Variants in NRP2 observed in about 807,000 individuals in gnomAD.
The protein encoded by NRP2 is neuropilin-2.
Under a neutral mutation model 110.4 loss-of-function variants are expected in NRP2, and 52 were observed. The ratio of observed to expected loss-of-function variants is 0.47; its 90% CI spans 0.38 to 0.59. NRP2 has a LOEUF of 0.59. Among genes scored for constraint, NRP2 ranks in the 20% least tolerant of loss-of-function variants. The pLI, the probability that NRP2 is intolerant of heterozygous loss-of-function variation, is 0.00. For missense variants in NRP2, 1,049 were observed against 1,203.0 expected (o/e 0.87, Z 1.89); for synonymous variants, 508 against 468.9 (o/e 1.08, Z -1.08).
chr2:205,730,431 A>C (rs2105834816), intron 7 of NRP2, among the ~76,000 whole-genome samples: 1 of 152,142 alleles, frequency 6.6e-6, no homozygotes, highest in East Asian at 1.9e-4. Context: ...GCCACCACTG[A>C]GTTTCTCTTT....
chr2:205,763,531 C>T lies in NRP2; in HGVS notation c.2045-143C>T. 1 of 1,098,724 alleles carries T rather than the reference C, an allele frequency of 9.1e-7. No homozygotes were observed. The highest frequency in any genetic ancestry group is 1.4e-6 in the Non-Finnish European group (1 of 721,292). The allele number at this position is 1,098,724 out of a possible 1,614,324, so 68.1% of individuals were successfully genotyped here. ...CTCTGAAGGAGCCTTAAGAAAGGGTCACAGAGCCTGGAGAACAAGGACATG... is the reference window on the plus strand; with the variant it reads ...CTCTGAAGGAGCCTTAAGAAAGGGTTACAGAGCCTGGAGAACAAGGACATG... On this transcript the variant is annotated intron_variant, in intron 12 of 16. Coordinates refer to ENST00000357785, the MANE Select transcript of NRP2 (RefSeq NM_003872.3). This position sits in a 1 kb window ranked among gnomAD's most constrained non-coding sequence, Gnocchi z 4.0.
At chr2:205,696,160 C>A (rs538696873) in intron 1 of NRP2, among the ~76,000 whole-genome samples, 1 of 152,144 alleles carries the variant, frequency 6.6e-6, no homozygotes. Context: ...CCGTGTGCAG[C>A]GTGCCCATCT....
In NRP2 at chr2:205,797,942, C is replaced by G. The variant is rs1362717829; in HGVS notation, c.*2884C>G. The G allele has an allele frequency of 6.6e-6, 1 of 152,506 alleles. No homozygotes were observed. The highest frequency in any genetic ancestry group is 1.5e-5 in the Non-Finnish European group (1 of 68,000). The allele number at this position is 152,506 out of a possible 1,614,324, so 9.4% of individuals were successfully genotyped here. ...GGGAAAGAGTTAACCTGTCACATAGCAGGTTAACTTTTTCAGGGTTTGCAG... is the reference window on the plus strand; with the variant it reads ...GGGAAAGAGTTAACCTGTCACATAGGAGGTTAACTTTTTCAGGGTTTGCAG... On this transcript the variant is annotated 3_prime_UTR_variant, in exon 17 of 17. Transcript: ENST00000357785.
chr2:205,750,675 T>A (rs1295172024), intron 11 of NRP2, among the ~76,000 whole-genome samples: 1 of 152,240 alleles, frequency 6.6e-6, no homozygotes, highest in Non-Finnish European at 1.5e-5. Flanking sequence ...GCTAGAATGT[T>A]AAGCTTGACA....
chr2:205,696,285 C>T (rs959440986), intron 1 of NRP2, among the ~76,000 whole-genome samples: 3 of 152,172 alleles, frequency 2.0e-5, no homozygotes, highest in African/African-American at 7.2e-5. Flanking sequence ...AAATGCATGA[C>T]CTGTTCCCTC....
rs1342630722 is a variant in NRP2, at chr2:205,795,165, C to A, written c.*107C>A. 2.7e-6 allele frequency: 3 copies of A among 1,120,662 alleles called. No homozygotes were observed. The highest frequency in any genetic ancestry group is 1.3e-5 in the South Asian group (1 of 74,828). The allele number at this position is 1,120,662 out of a possible 1,614,324, so 69.4% of individuals were successfully genotyped here. A position where few individuals can be genotyped will look rare whatever the true frequency, so the allele number is the denominator to read the frequency against. Reference sequence around the variant, plus strand: ...CTGAATGCCATAATCTCGATCAAACCGATCCAGAATACCGAAGGTATGGAC... The same window carrying A: ...CTGAATGCCATAATCTCGATCAAACAGATCCAGAATACCGAAGGTATGGAC... On this transcript the variant is annotated 3_prime_UTR_variant, in exon 17 of 17. Coordinates refer to ENST00000357785, the MANE Select transcript of NRP2 (RefSeq NM_003872.3).
chr2:205,776,627 C>T (rs2058105620), intron 15 of NRP2: 2 of 1,591,716 alleles, frequency 1.3e-6, no homozygotes, highest in Non-Finnish European at 1.7e-6. Flanking sequence ...TGTGTGAACT[C>T]TCAGACATCT....
intron 1 of NRP2, among the ~76,000 whole-genome samples, chr2:205,687,051 C>A (rs867950629): frequency 5.9e-5 from 9 of 152,168 alleles, no homozygotes; most frequent in Admixed American, 3.9e-4. Context: ...GCCAAAAGAA[C>A]CCAGACCCCA....
At position 205,707,815 on chromosome 2, in the gene NRP2, G is replaced by A. The variant is rs572131096; in HGVS notation, c.252-8378G>A. 5.9e-5 allele frequency among the ~76,000 whole-genome samples: 9 copies of A among 152,260 alleles called. 1 individual carries two copies. In the South Asian group the frequency reaches 1.9e-3, roughly 32 times the overall value. On this transcript the variant is annotated intron_variant, in intron 2 of 16. Coordinates refer to ENST00000357785, the MANE Select transcript of NRP2 (RefSeq NM_003872.3). ...ATTAGTGTGAACACCTATTCCGGAG[G>A]GAACTGTTCACCCTGCCGAGTAAAG...
chr2:205,685,008 T>A (rs1260304795), intron 1 of NRP2, among the ~76,000 whole-genome samples: 1 of 151,910 alleles, frequency 6.6e-6, no homozygotes, highest in Non-Finnish European at 1.5e-5. Context: ...AGGTTCCGTG[T>A]GCTGTGCGGA....
intron 8 of NRP2, among the ~76,000 whole-genome samples, chr2:205,741,125 T>G (rs2057433448): frequency 6.6e-6 from 1 of 152,212 alleles, no homozygotes; most frequent in African/African-American, 2.4e-5. Context: ...TGCATGGTGC[T>G]GTGGACACAA....
intron 10 of NRP2, among the ~76,000 whole-genome samples, chr2:205,748,517 A>C (rs1308947044): frequency 6.6e-6 from 1 of 152,252 alleles, no homozygotes; most frequent in Non-Finnish European, 1.5e-5. Flanking sequence ...GACACAGCAA[A>C]GGGAAGTATG....
chr2:205,794,223 G>A (rs1223197038), intron 16 of NRP2, among the ~76,000 whole-genome samples: 1 of 152,098 alleles, frequency 6.6e-6, no homozygotes, highest in African/African-American at 2.4e-5. Flanking sequence ...CCATTCTCCT[G>A]CCTCAGCCTC....
intron 2 of NRP2, among the ~76,000 whole-genome samples, chr2:205,709,081 C>T (rs935579088): frequency 6.6e-6 from 1 of 152,240 alleles, no homozygotes; most frequent in Non-Finnish European, 1.5e-5. Flanking sequence ...GGAGCTTGAG[C>T]ACCTTGCTAT....
At position 205,789,277 on chromosome 2, in the gene NRP2, C is replaced by A. The variant is rs149898712; in HGVS notation, c.2426-2958C>A. ...GAGTCAGTATTTGTAGTCAGGCTGA[C>A]CTGAGACTGAATCCACATGGGGGCC... On this transcript the variant is annotated intron_variant, in intron 15 of 16. Coordinates refer to ENST00000357785, the MANE Select transcript of NRP2 (RefSeq NM_003872.3). Among the ~76,000 whole-genome samples the A allele has an allele frequency of 3.6e-3, 550 of 152,294 alleles. 3 individuals carry two copies. Among genetic ancestry groups the A allele is most frequent in the African/African-American group, 0.012 (495 of 41,566 alleles).
At chr2:205,696,311 G>T (rs1477073699) in intron 1 of NRP2, among the ~76,000 whole-genome samples, 1 of 152,268 alleles carries the variant, frequency 6.6e-6, no homozygotes, top group Non-Finnish European at 1.5e-5. Context: ...GTGAACACAG[G>T]AGAAAGACCC....
At chr2:205,709,721 C>A (rs953345818) in intron 2 of NRP2, among the ~76,000 whole-genome samples, 6 of 152,158 alleles carry the variant, frequency 3.9e-5, no homozygotes, top group Non-Finnish European at 5.9e-5. Context: ...AAAATTTCGG[C>A]AAACAAAGAT....
intron 9 of NRP2, among the ~76,000 whole-genome samples, chr2:205,744,157 T>C (rs1306593376): frequency 1.3e-5 from 2 of 152,194 alleles, no homozygotes; most frequent in Non-Finnish European, 2.9e-5. Context: ...ACAGTTCACC[T>C]GTGATAGAGC....
Position 205,740,654 on chromosome 2 carries a change from C to G in NRP2, c.1282C>G (p.Arg428Gly), listed in dbSNP as rs139711818. ...IALRLELFGC[R>G]VTDAPCSNML... The stretch of plus-strand genomic sequence containing the variant: ...CCTCCGGCTGGAGCTCTTCGGCTGC[C>G]GGGTCACAGGTGAGGTGGGGGCTCC... Residue 428 changes from arginine to glycine, a missense_variant, in exon 8 of 17, where the codon CGG (arginine) becomes GGG (glycine). Arg to Gly is a moderately radical substitution (Grantham distance 125). Coordinates refer to ENST00000357785, the MANE Select transcript of NRP2 (RefSeq NM_003872.3). 1 of 1,614,006 alleles carries G rather than the reference C, an allele frequency of 6.2e-7. No individual in the cohort carries two copies.
Sources: allele counts gnomAD v4.1 joint callset (sites outside exome capture counted in the v4.1 genomes callset), GRCh38; gene constraint gnomAD v4.1.1; non-coding constraint Gnocchi (gnomAD v3.1); transcripts MANE v1.5; gene names NCBI Gene and HGNC (gene_info 2026-07-23, HGNC 2026-07-21).